SAMD12: variants seen among roughly 807,000 people sequenced by gnomAD.
The protein encoded by SAMD12 is sterile alpha motif domain-containing protein 12.
SAMD12 carries 9 observed loss-of-function variants against 15.0 expected under a neutral mutation model. That is an observed-to-expected ratio of 0.60 (90% CI 0.36 to 1.05). The LOEUF is 1.05. SAMD12 is among the 50% of genes least tolerant of loss of function. The pLI is 0.01. For missense variants in SAMD12, 230 were observed against 234.2 expected (o/e 0.98, Z 0.12); for synonymous variants, 86 against 90.1 (o/e 0.96, Z 0.25).
intron 4 of SAMD12, among the ~76,000 whole-genome samples, chr8:118,217,279 G>C (rs1470512553): frequency 1.3e-5 from 2 of 152,228 alleles, no homozygotes; most frequent in Admixed American, 1.3e-4. Context: ...TGGGATTACA[G>C]GCGTGAGCCA....
In SAMD12 at chr8:118,548,410, CA is replaced by C. The variant is rs1183858002; in HGVS notation, c.192+32304del. 9.7e-3 allele frequency among the ~76,000 whole-genome samples: 1,468 copies of C among 151,476 alleles called. 27 individuals are homozygous for C. The highest frequency in any genetic ancestry group is 0.032 in the African/African-American group (1,310 of 41,216). Reference sequence around the variant, plus strand: ...ACACACACACACACACACACACACACACACACACACACACCCCATGTGATGG... The same window carrying C: ...ACACACACACACACACACACACACACCACACACACACACCCCATGTGATGG... On this transcript the variant is annotated intron_variant, in intron 2 of 3. Transcript: ENST00000314727.
At chr8:118,528,026 T>C (rs947283968) in intron 2 of SAMD12, among the ~76,000 whole-genome samples, 1 of 99,412 alleles carries the variant, frequency 1.0e-5, no homozygotes, top group Admixed American at 1.1e-4. Context: ...TTATAATATA[T>C]ATATATATTT....
Position 118,378,590 on chromosome 8 carries a change from C to T in SAMD12, c.*827G>A. The stretch of plus-strand genomic sequence containing the variant: ...TTAATCTAAATGCAATAACATGAAA[C>T]TTGGCTGACCCAGATTTCTCCAATA... On this transcript the variant is annotated 3_prime_UTR_variant, in exon 4 of 4. Transcript: ENST00000314727. 5 of 985,312 alleles carry T rather than the reference C, an allele frequency of 5.1e-6. No individual in the cohort carries two copies. Among genetic ancestry groups the T allele is most frequent in the Non-Finnish European group, 4.8e-6 (4 of 829,858 alleles). 61.0% of individuals were successfully genotyped at this position (985,312 alleles called of 1,614,324 possible).
the SAMD12 span, among the ~76,000 whole-genome samples, chr8:118,142,893 C>T: frequency 2.0e-5 from 3 of 152,102 alleles, no homozygotes; most frequent in African/African-American, 7.2e-5. Context: ...ACTTGGTTTG[C>T]CTAGAGCACA....
At chr8:118,203,911 T>C (rs886206561) in intron 4 of SAMD12, among the ~76,000 whole-genome samples, 28 of 145,074 alleles carry the variant, frequency 1.9e-4, no homozygotes, top group African/African-American at 7.2e-4. Flanking sequence ...GGACATGAAC[T>C]CATCCTTTTT....
chr8:118,244,755 A>C (rs1221553975), intron 4 of SAMD12, among the ~76,000 whole-genome samples: 1 of 151,972 alleles, frequency 6.6e-6, no homozygotes, highest in Non-Finnish European at 1.5e-5. Context: ...GTGAGATAGT[A>C]AGAGGAATTT....
the SAMD12 span, among the ~76,000 whole-genome samples, chr8:118,155,363 G>A: frequency 1.3e-5 from 2 of 151,408 alleles, no homozygotes; most frequent in Non-Finnish European, 2.9e-5. Flanking sequence ...CAGTGTTTTT[G>A]GGGGGGTGGG....
At chr8:118,241,083 G>A (rs935943998) in intron 4 of SAMD12, among the ~76,000 whole-genome samples, 8 of 152,098 alleles carry the variant, frequency 5.3e-5, no homozygotes, top group Non-Finnish European at 8.8e-5. Flanking sequence ...TGATTTTAGG[G>A]ACCAGAGTCC....
intron 2 of SAMD12, among the ~76,000 whole-genome samples, chr8:118,534,736 G>A (rs921461096): frequency 2.0e-5 from 3 of 151,914 alleles, no homozygotes; most frequent in Admixed American, 6.6e-5. Flanking sequence ...TGATCGAATC[G>A]GCTACTGAAG....
chr8:118,523,710 C>T (rs748084034), intron 2 of SAMD12, among the ~76,000 whole-genome samples: 3 of 152,144 alleles, frequency 2.0e-5, no homozygotes, highest in African/African-American at 4.8e-5. Flanking sequence ...TCAAGGGGAT[C>T]TTAGTATTCC....
the SAMD12 span, among the ~76,000 whole-genome samples, chr8:118,158,893 C>T: frequency 1.9e-3 from 287 of 152,188 alleles, 2 homozygotes; most frequent in African/African-American, 6.6e-3. Context: ...AGGAGCTACC[C>T]ACTTCAGGTC....
chr8:118,553,137 C>T (rs1826401203), intron 2 of SAMD12, among the ~76,000 whole-genome samples: 1 of 151,748 alleles, frequency 6.6e-6, no homozygotes, highest in African/African-American at 2.4e-5. Flanking sequence ...ATGCCATCCC[C>T]ATCAAGCTAC....
At chr8:118,186,484 C>A (rs529936127), downstream of SAMD12, among the ~76,000 whole-genome samples, 1 of 151,940 alleles carries the variant, frequency 6.6e-6, no homozygotes. Flanking sequence ...TTTCAAGCCC[C>A]ACAAGGCTTA....
intron 4 of SAMD12, among the ~76,000 whole-genome samples, chr8:118,298,341 G>T (rs1198036196): frequency 1.3e-5 from 2 of 152,114 alleles, no homozygotes; most frequent in Admixed American, 6.6e-5. Context: ...TGAATTTCCA[G>T]TAGAATAAGT....
At chr8:118,617,605 C>T (rs1828269787) in intron 1 of SAMD12, among the ~76,000 whole-genome samples, 1 of 151,978 alleles carries the variant, frequency 6.6e-6, no homozygotes, top group Non-Finnish European at 1.5e-5. Context: ...TTCTGTTAGA[C>T]CTGGAATAGA....
At chr8:118,204,867 G>A (rs1410711270) in intron 4 of SAMD12, among the ~76,000 whole-genome samples, 1 of 152,228 alleles carries the variant, frequency 6.6e-6, no homozygotes, top group Non-Finnish European at 1.5e-5. Context: ...CATACTAACT[G>A]GTAACTTCCC....
In SAMD12 at chr8:118,581,887, G is replaced by T. The variant is rs1451983083; in HGVS notation, c.14-994C>A. Among the ~76,000 whole-genome samples, 4 of 152,190 alleles carry T rather than the reference G, an allele frequency of 2.6e-5. No homozygotes were observed. The East Asian group carries it at 7.7e-4, about 29-fold the overall frequency. ...TCCCCTTTCCTTTATTCACAGAGAA[G>T]TTAAGGCCAGATACTTAATACCCCC... On this transcript the variant is annotated intron_variant, in intron 1 of 3. Coordinates refer to ENST00000314727, the MANE Select transcript of SAMD12 (RefSeq NM_207506.3).
chr8:118,321,164 T>A (rs1172182133), intron 4 of SAMD12, among the ~76,000 whole-genome samples: 4 of 81,578 alleles, frequency 4.9e-5, no homozygotes, highest in African/African-American at 2.0e-4. Flanking sequence ...TATATATATA[T>A]ATATATATAT....
intron 4 of SAMD12, among the ~76,000 whole-genome samples, chr8:118,245,172 C>T (rs921661691): frequency 1.3e-5 from 2 of 152,112 alleles, no homozygotes; most frequent in Admixed American, 6.6e-5. Flanking sequence ...ACCAGGCAAA[C>T]AAAACCAGGG....
Sources: gnomAD v4.1 joint callset for allele counts (sites outside exome capture counted in the v4.1 genomes callset) on GRCh38, gnomAD v4.1.1 for gene constraint, MANE v1.5 for transcripts, NCBI Gene and HGNC (gene_info 2026-07-23, HGNC 2026-07-21) for gene names.